The following KLF8 variants were observed in gnomAD, a reference collection of about 807,000 sequenced individuals.
The protein encoded by KLF8 is KLF transcription factor 8, also known as Krueppel-like factor 8.
Under a neutral mutation model 18.2 loss-of-function variants are expected in KLF8, and 10 were observed. That is an observed-to-expected ratio of 0.55 (90% CI 0.34 to 0.93). The LOEUF (loss-of-function observed/expected upper bound fraction) is 0.93. KLF8 is among the 40% of genes least tolerant of loss of function. The probability of loss-of-function intolerance (pLI) is 0.02; values close to 1 mark genes in which losing one functional copy is unlikely to be tolerated. For missense variants in KLF8, 264 were observed against 277.9 expected (o/e 0.95, Z 0.36); for synonymous variants, 109 against 97.3 (o/e 1.12, Z -0.71).
chrX:56,253,764 C>CTTTTTTTTTTTTTTTTTTTTTTTTTT (rs60291877), intron 2 of KLF8, among the ~76,000 whole-genome samples: 6 of 60,112 alleles, frequency 1.0e-4, no homozygotes, highest in Non-Finnish European at 1.5e-4. Context: ...TTTTCTTTTT[C>CTTTTTTTTTTTTTTTTTTTTTTTTTT]TTTTTTTTTT....
the KLF8 span, among the ~76,000 whole-genome samples, chrX:56,128,368 A>T: frequency 1.8e-5 from 2 of 111,758 alleles, no homozygotes; most frequent in African/African-American, 6.5e-5. Context: ...GAACAGAACA[A>T]TAACAAACAT....
At chrX:55,940,864 G>C in the KLF8 span, among the ~76,000 whole-genome samples, 1 of 111,561 alleles carries the variant, frequency 9.0e-6, no homozygotes, top group African/African-American at 3.3e-5. Flanking sequence ...ACTGCTCAAT[G>C]AAATAAAAGA....
At chrX:55,995,322 G>T in the KLF8 span, among the ~76,000 whole-genome samples, 2 of 112,066 alleles carry the variant, frequency 1.8e-5, no homozygotes, top group Non-Finnish European at 3.8e-5. Flanking sequence ...CATGCACTTG[G>T]GTCTTGCTTT....
the KLF8 span, among the ~76,000 whole-genome samples, chrX:56,121,141 C>A: frequency 4.8e-5 from 5 of 103,510 alleles, no homozygotes; most frequent in East Asian, 1.2e-3. Flanking sequence ...AGCCGAGATC[C>A]CGCCACTGCA....
chrX:56,039,509 C>G, the KLF8 span, among the ~76,000 whole-genome samples: 1 of 111,753 alleles, frequency 8.9e-6, no homozygotes, highest in African/African-American at 3.2e-5. Context: ...TGCCAAAGAT[C>G]AGATGGGTAT....
At chrX:56,270,659 A>G (rs1268521383) in intron 5 of KLF8, among the ~76,000 whole-genome samples, 2 of 111,426 alleles carry the variant, frequency 1.8e-5, no homozygotes, top group Non-Finnish European at 3.8e-5. Context: ...CGGAGTCAAC[A>G]CTTAAGCAAA....
At chrX:56,212,466 G>A in the KLF8 span, among the ~76,000 whole-genome samples, 1 of 112,172 alleles carries the variant, frequency 8.9e-6, no homozygotes, top group East Asian at 2.8e-4. Flanking sequence ...GGCCCTCAGT[G>A]ATGAGGTTTG....
At chrX:55,976,624 G>A in the KLF8 span, among the ~76,000 whole-genome samples, 1 of 110,543 alleles carries the variant, frequency 9.0e-6, no homozygotes, top group African/African-American at 3.3e-5. Context: ...AGTTCGGCAT[G>A]TTTTGTGGTT....
At chrX:55,934,528 AAT>A in the KLF8 span, among the ~76,000 whole-genome samples, 5 of 112,195 alleles carry the variant, frequency 4.5e-5, no homozygotes, top group Non-Finnish European at 1.9e-5. Context: ...CCAGACTTTG[AAT>A]CAGTGAAAGT....
the KLF8 span, among the ~76,000 whole-genome samples, chrX:56,057,281 G>C: frequency 2.7e-5 from 3 of 111,280 alleles, no homozygotes; most frequent in Non-Finnish European, 5.7e-5. Flanking sequence ...TTGGTGCAAG[G>C]GTGGGCCTTG....
the KLF8 span, among the ~76,000 whole-genome samples, chrX:56,154,708 G>C: frequency 8.9e-6 from 1 of 111,861 alleles, no homozygotes; most frequent in South Asian, 3.7e-4. Context: ...GTTCTCATCT[G>C]ACAAAGGGCT....
chrX:56,049,174 G>A, the KLF8 span, among the ~76,000 whole-genome samples: 54 of 111,479 alleles, frequency 4.8e-4, no homozygotes, highest in Middle Eastern at 0.019. Context: ...GGGCTGAGAC[G>A]ATGGGGTTTT....
At chrX:55,934,938 C>CA in the KLF8 span, among the ~76,000 whole-genome samples, 13 of 111,431 alleles carry the variant, frequency 1.2e-4, no homozygotes, top group Middle Eastern at 4.7e-3. Context: ...TTAAATCCAA[C>CA]TCTTCTAGTG....
At chrX:56,227,261 CAG>C in the KLF8 span, among the ~76,000 whole-genome samples, 1 of 111,872 alleles carries the variant, frequency 8.9e-6, no homozygotes, top group African/African-American at 3.2e-5. Context: ...TGGATTAGCT[CAG>C]TGATAAAAAA....
At chrX:56,078,059 T>C in the KLF8 span, among the ~76,000 whole-genome samples, 2 of 109,904 alleles carry the variant, frequency 1.8e-5, no homozygotes, top group East Asian at 5.6e-4. Flanking sequence ...AATGGGGTTT[T>C]CCAGATATTA....
chrX:56,093,633 A>T, the KLF8 span, among the ~76,000 whole-genome samples: 1 of 110,976 alleles, frequency 9.0e-6, no homozygotes, highest in Non-Finnish European at 1.9e-5. Flanking sequence ...TAGAGGAAAA[A>T]TAAATAAAAT....
At chrX:55,929,619 C>T in the KLF8 span, among the ~76,000 whole-genome samples, 7 of 111,605 alleles carry the variant, frequency 6.3e-5, no homozygotes, top group Non-Finnish European at 1.3e-4. Context: ...ATTTATTAAA[C>T]AGGGAATCCT....
At chrX:56,010,925 A>T in the KLF8 span, among the ~76,000 whole-genome samples, 3 of 112,637 alleles carry the variant, frequency 2.7e-5, no homozygotes, top group Non-Finnish European at 3.8e-5. Context: ...AGAGCTAATT[A>T]TCCTAAATAT....
the KLF8 span, among the ~76,000 whole-genome samples, chrX:55,959,303 C>G: frequency 8.9e-6 from 1 of 112,163 alleles, no homozygotes; most frequent in Non-Finnish European, 1.9e-5. Context: ...AAAGAAACAT[C>G]AGGCCACACA....
Sources: gnomAD v4.1 joint callset for allele counts (sites outside exome capture counted in the v4.1 genomes callset) on GRCh38, gnomAD v4.1.1 for gene constraint, MANE v1.5 for transcripts, NCBI Gene and HGNC (gene_info 2026-07-23, HGNC 2026-07-21) for gene names.